The following GPR63 variants were observed in gnomAD, a reference collection of about 807,000 sequenced individuals.
GPR63 encodes probable G protein-coupled receptor 63.
GPR63 carries 12 observed loss-of-function variants against 23.1 expected under a neutral mutation model. The ratio of observed to expected loss-of-function variants is 0.52; its 90% CI spans 0.33 to 0.84. The LOEUF is 0.84. GPR63 is among the 40% of genes least tolerant of loss of function. GPR63 has a pLI of 0.02. For synonymous variants in GPR63, 172 were observed against 191.1 expected, an observed-to-expected ratio of 0.90 and a Z score of 0.82; for missense variants, 472 against 515.6, an observed-to-expected ratio of 0.92 and a Z score of 0.82.
At chr6:96,817,218 G>A (rs1774186726) in intron 1 of GPR63, among the ~76,000 whole-genome samples, 4 of 151,976 alleles carry the variant, frequency 2.6e-5, no homozygotes, top group South Asian at 2.1e-4. Flanking sequence ...ATATCCAAAC[G>A]GCCAAAACAA....
chr6:96,806,980 G>A (rs547326114), intron 1 of GPR63, among the ~76,000 whole-genome samples: 33 of 152,348 alleles, frequency 2.2e-4, no homozygotes, highest in Non-Finnish European at 2.5e-4. Flanking sequence ...TTGGAAGCCC[G>A]TAAGGGCACA....
intron 1 of GPR63, among the ~76,000 whole-genome samples, chr6:96,835,936 G>A (rs570652948): frequency 6.6e-6 from 1 of 152,126 alleles, no homozygotes; most frequent in Non-Finnish European, 1.5e-5. Flanking sequence ...ATACGTCAAG[G>A]CACTCTTTTA....
intron 1 of GPR63, among the ~76,000 whole-genome samples, chr6:96,827,965 T>C (rs772115100): frequency 5.9e-5 from 9 of 152,078 alleles, no homozygotes; most frequent in Non-Finnish European, 1.3e-4. Flanking sequence ...AAGAACTAAA[T>C]ATAACAGATA....
rs1057074081 is a variant in GPR63 at position 96,808,130 on chromosome 6, A to C, written c.-150-8249T>G. Among the ~76,000 whole-genome samples, 3 of 152,240 alleles carry C rather than the reference A, an allele frequency of 2.0e-5. No individual in the cohort carries two copies. In the South Asian group the frequency reaches 6.2e-4, roughly 31 times the overall value. ...AAACATATTGCTAAATTTAAAAAGC[A>C]ATTACAATAAATTTAGAAATGATGT... On this transcript the variant is annotated intron_variant, in intron 1 of 1. Coordinates refer to ENST00000229955, the MANE Select transcript of GPR63 (RefSeq NM_030784.4).
intron 1 of GPR63, among the ~76,000 whole-genome samples, chr6:96,820,935 A>G (rs1774298206): frequency 6.6e-6 from 1 of 152,172 alleles, no homozygotes; most frequent in Admixed American, 6.5e-5. Flanking sequence ...ACTGCCTCTC[A>G]CTACAAATGA....
intron 1 of GPR63, among the ~76,000 whole-genome samples, chr6:96,829,454 A>C (rs1774524935): frequency 6.6e-6 from 1 of 152,194 alleles, no homozygotes; most frequent in African/African-American, 2.4e-5. Flanking sequence ...ACACTTTGAG[A>C]AGCTAAAATG....
chr6:96,817,707 A>T (rs144867473), intron 1 of GPR63, among the ~76,000 whole-genome samples: 26 of 152,296 alleles, frequency 1.7e-4, no homozygotes, highest in African/African-American at 5.8e-4. Flanking sequence ...TGAATCTCAC[A>T]AATATAACAT....
intron 1 of GPR63, among the ~76,000 whole-genome samples, chr6:96,819,673 T>TA (rs1486514404): frequency 2.8e-5 from 4 of 140,952 alleles, no homozygotes; most frequent in Non-Finnish European, 6.1e-5. Context: ...TCCCAGAACT[T>TA]AAAGTAAAAT....
intron 1 of GPR63, among the ~76,000 whole-genome samples, chr6:96,808,794 C>CT (rs944127626): frequency 2.6e-5 from 4 of 152,036 alleles, no homozygotes; most frequent in Admixed American, 6.6e-5. Context: ...TATTATGATA[C>CT]TTTAAGTTTT....
At chr6:96,836,609 T>A (rs985146664) in intron 1 of GPR63, among the ~76,000 whole-genome samples, 1 of 151,850 alleles carries the variant, frequency 6.6e-6, no homozygotes, top group Non-Finnish European at 1.5e-5. Context: ...ATTTTTTTTT[T>A]AAGCACTCTG....
rs1036835391 is a variant in GPR63 at position 96,795,505 on chromosome 6, T to G, written c.*2967A>C. 6.6e-6 allele frequency: 1 copy of G among 152,182 alleles called. No individual in the cohort carries two copies. Among genetic ancestry groups the G allele is most frequent in the African/African-American group, 2.4e-5 (1 of 41,436 alleles). 9.4% of individuals were successfully genotyped at this position (152,182 alleles called of 1,614,324 possible). On this transcript the variant is annotated 3_prime_UTR_variant, in exon 2 of 2. Coordinates refer to ENST00000229955, the MANE Select transcript of GPR63 (RefSeq NM_030784.4). ...GTTCAAAATGATTTGTAAACTCTCA[T>G]CAGATCAAGATAATCCAGTGTAAAA...
chr6:96,825,545 T>C (rs1335907250), intron 1 of GPR63, among the ~76,000 whole-genome samples: 2 of 152,022 alleles, frequency 1.3e-5, no homozygotes, highest in African/African-American at 4.8e-5. Context: ...CAACCTAGAA[T>C]CTAGATATGA....
chr6:96,818,450 T>A (rs1774218049), intron 1 of GPR63, among the ~76,000 whole-genome samples: 1 of 150,702 alleles, frequency 6.6e-6, no homozygotes, highest in Admixed American at 6.6e-5. Flanking sequence ...GCAACAAGAA[T>A]AAAACTCCCA....
chr6:96,802,706 A>ATTTT (rs370548140), intron 1 of GPR63, among the ~76,000 whole-genome samples: 5 of 144,746 alleles, frequency 3.5e-5, no homozygotes, highest in African/African-American at 5.1e-5. Flanking sequence ...TGCCCAGCTA[A>ATTTT]TTTTTTTTTT....
chr6:96,825,209 G>A lies in GPR63; in HGVS notation c.-151+12059C>T, dbSNP rs528071866. Among the ~76,000 whole-genome samples the A allele has an allele frequency of 7.0e-4, 106 of 152,092 alleles. 1 individual carries two copies. Among genetic ancestry groups the A allele is most frequent in the Non-Finnish European group, 1.2e-3 (81 of 67,958 alleles). ...GTATACTCAATATATATTCAATTAG[G>A]GCGGGAACCACTGCAACAATGTAGC... On this transcript the variant is annotated intron_variant, in intron 1 of 1. Transcript: ENST00000229955.
At chr6:96,836,823 A>T (rs1357407589) in intron 1 of GPR63, among the ~76,000 whole-genome samples, 1 of 152,060 alleles carries the variant, frequency 6.6e-6, no homozygotes, top group African/African-American at 2.4e-5. Flanking sequence ...GGTAAATTTC[A>T]GCCCTCAAGC....
intron 1 of GPR63, among the ~76,000 whole-genome samples, chr6:96,802,554 T>TTG (rs1773794722): frequency 6.6e-6 from 1 of 150,810 alleles, no homozygotes; most frequent in African/African-American, 2.4e-5. Context: ...TTTTTTTTTT[T>TTG]TTTGAGACAG....
At chr6:96,820,677 T>C (rs1331566020) in intron 1 of GPR63, among the ~76,000 whole-genome samples, 1 of 152,166 alleles carries the variant, frequency 6.6e-6, no homozygotes, top group East Asian at 1.9e-4. Flanking sequence ...GAATTTTTTT[T>C]TCATCCAGCT....
intron 1 of GPR63, among the ~76,000 whole-genome samples, chr6:96,829,204 T>G (rs2387758): frequency 0.3 from 45,599 of 152,050 alleles, 6,975 homozygotes; most frequent in East Asian, 0.37. Flanking sequence ...AAGCTACACG[T>G]GGAACACTTA....
Sources: gnomAD v4.1 joint callset for allele counts (sites outside exome capture counted in the v4.1 genomes callset) on GRCh38, gnomAD v4.1.1 for gene constraint, MANE v1.5 for transcripts, NCBI Gene and HGNC (gene_info 2026-07-23, HGNC 2026-07-21) for gene names.